The following HS3ST3A1 variants were observed in gnomAD, a reference collection of about 807,000 sequenced individuals.
HS3ST3A1 encodes heparan sulfate-glucosamine 3-sulfotransferase 3A1, also known as heparan sulfate glucosamine 3-O-sulfotransferase 3A1.
A neutral mutation model predicts 25.7 loss-of-function variants in HS3ST3A1; 19 were observed. The observed-to-expected ratio is 0.74, with a 90% CI of 0.52 to 1.08. HS3ST3A1 has a LOEUF of 1.08. Ranked by LOEUF, HS3ST3A1 falls within the 50% of genes least tolerant of loss-of-function variation. The probability of loss-of-function intolerance (pLI) is 0.00; values close to 1 mark genes in which losing one functional copy is unlikely to be tolerated. For synonymous variants in HS3ST3A1, 226 were observed against 278.6 expected (o/e 0.81, Z 1.88); for missense variants, 459 against 594.3 (o/e 0.77, Z 2.37).
At chr17:13,561,312 C>T (rs1907541531) in intron 1 of HS3ST3A1, among the ~76,000 whole-genome samples, 1 of 152,078 alleles carries the variant, frequency 6.6e-6, no homozygotes, top group Non-Finnish European at 1.5e-5. Flanking sequence ...AGTGACACTG[C>T]ACTGCATTTT....
At chr17:13,596,860 A>G (rs1908591848) in intron 1 of HS3ST3A1, among the ~76,000 whole-genome samples, 1 of 151,918 alleles carries the variant, frequency 6.6e-6, no homozygotes, top group Non-Finnish European at 1.5e-5. Flanking sequence ...CGAAATGCCA[A>G]TTTCTCCTCC....
intron 1 of HS3ST3A1, among the ~76,000 whole-genome samples, chr17:13,501,569 A>T (rs550849506): frequency 2.0e-5 from 3 of 152,336 alleles, no homozygotes; most frequent in African/African-American, 7.2e-5. Flanking sequence ...CAAATATAAA[A>T]ACGAGGTTTG....
chr17:13,503,922 C>T (rs1401297405), intron 1 of HS3ST3A1, among the ~76,000 whole-genome samples: 1 of 152,172 alleles, frequency 6.6e-6, no homozygotes, highest in African/African-American at 2.4e-5. Flanking sequence ...ACAGACAATC[C>T]TAATAGTCCC....
At chr17:13,591,546 G>T (rs547149560) in intron 1 of HS3ST3A1, among the ~76,000 whole-genome samples, 1 of 151,998 alleles carries the variant, frequency 6.6e-6, no homozygotes, top group Non-Finnish European at 1.5e-5. Flanking sequence ...AAATGAAGGC[G>T]GTTTTAGTTA....
chr17:13,537,173 C>A (rs538912632), intron 1 of HS3ST3A1, among the ~76,000 whole-genome samples: 1 of 152,180 alleles, frequency 6.6e-6, no homozygotes, highest in Non-Finnish European at 1.5e-5. Flanking sequence ...ATAGCCTGAG[C>A]TCTGCTAGGT....
intron 1 of HS3ST3A1, among the ~76,000 whole-genome samples, chr17:13,506,225 G>T (rs929133403): frequency 6.6e-6 from 1 of 152,030 alleles, no homozygotes; most frequent in Non-Finnish European, 1.5e-5. Context: ...TCAAAAGCAG[G>T]AATAGGAATA....
intron 1 of HS3ST3A1, among the ~76,000 whole-genome samples, chr17:13,566,348 A>G (rs1907674792): frequency 6.6e-6 from 1 of 152,160 alleles, no homozygotes. Context: ...ATGTGTGTGT[A>G]CTGACTGCTC....
At chr17:13,598,785 C>G (rs983610207) in intron 1 of HS3ST3A1, among the ~76,000 whole-genome samples, 4 of 152,040 alleles carry the variant, frequency 2.6e-5, no homozygotes, top group African/African-American at 9.7e-5. Context: ...TCTGCAGATA[C>G]ACCGTGCCCT....
At chr17:13,514,539 G>A (rs1905990108) in intron 1 of HS3ST3A1, among the ~76,000 whole-genome samples, 1 of 152,194 alleles carries the variant, frequency 6.6e-6, no homozygotes, top group Non-Finnish European at 1.5e-5. Flanking sequence ...TGTGTTTGGA[G>A]TTTTGATACT....
At position 13,534,468 on chromosome 17, in the gene HS3ST3A1, T is replaced by G. The variant is rs547859299; in HGVS notation, c.600-37650A>C. Among the ~76,000 whole-genome samples the G allele has an allele frequency of 1.9e-4, 22 of 118,118 alleles. No individual in the cohort carries two copies. In the East Asian group the frequency reaches 2.6e-3, roughly 14 times the overall value. The allele number at this position is 118,118 out of a possible 152,430, so 77.5% of individuals were successfully genotyped here. On this transcript the variant is annotated intron_variant, in intron 1 of 1. Coordinates refer to ENST00000284110, the MANE Select transcript of HS3ST3A1 (RefSeq NM_006042.3). ...CCAGTAATCCCAGCACTTTGGGAGGTGGAGGGAGGTGGATTGCTTGAGCCC... is the reference window on the plus strand; with the variant it reads ...CCAGTAATCCCAGCACTTTGGGAGGGGGAGGGAGGTGGATTGCTTGAGCCC...
intron 1 of HS3ST3A1, among the ~76,000 whole-genome samples, chr17:13,580,689 C>T (rs746218051): frequency 5.9e-5 from 9 of 151,950 alleles, no homozygotes; most frequent in African/African-American, 9.7e-5. Flanking sequence ...GGTCGGAGTT[C>T]GAGATCAGCC....
intron 1 of HS3ST3A1, among the ~76,000 whole-genome samples, chr17:13,565,004 G>A (rs566533272): frequency 1.3e-5 from 2 of 152,180 alleles, no homozygotes; most frequent in South Asian, 4.2e-4. Flanking sequence ...TTACAGACAT[G>A]AGCCATCGTG....
intron 1 of HS3ST3A1, among the ~76,000 whole-genome samples, chr17:13,503,402 T>C (rs1905552416): frequency 6.6e-6 from 1 of 152,162 alleles, no homozygotes; most frequent in South Asian, 2.1e-4. Context: ...ATTTCGTGTA[T>C]ATTTTCAACA....
At chr17:13,582,288 G>T (rs549057218) in intron 1 of HS3ST3A1, among the ~76,000 whole-genome samples, 1 of 152,274 alleles carries the variant, frequency 6.6e-6, no homozygotes, top group African/African-American at 2.4e-5. Context: ...AACTGAGCTA[G>T]CATATTCTAT....
At chr17:13,562,710 G>A (rs1358389792) in intron 1 of HS3ST3A1, among the ~76,000 whole-genome samples, 5 of 152,016 alleles carry the variant, frequency 3.3e-5, no homozygotes, top group African/African-American at 4.8e-5. Flanking sequence ...TGGAAATCAC[G>A]GGCAAACGTT....
chr17:13,504,510 C>T (rs921021324), intron 1 of HS3ST3A1, among the ~76,000 whole-genome samples: 10 of 152,236 alleles, frequency 6.6e-5, no homozygotes, highest in African/African-American at 2.4e-4. Context: ...ATGAGAGGGG[C>T]TTCCAGGCTG....
chr17:13,562,292 C>T (rs890225943), intron 1 of HS3ST3A1, among the ~76,000 whole-genome samples: 46 of 152,204 alleles, frequency 3.0e-4, no homozygotes, highest in African/African-American at 1.1e-3. Flanking sequence ...CTGGAGGAGT[C>T]CAGGATCGCT....
At chr17:13,599,342 C>A (rs1373493463) in intron 1 of HS3ST3A1, among the ~76,000 whole-genome samples, 1 of 152,106 alleles carries the variant, frequency 6.6e-6, no homozygotes, top group Non-Finnish European at 1.5e-5. Context: ...ACTGTAAATT[C>A]GGCTCCTGAA....
intron 1 of HS3ST3A1, among the ~76,000 whole-genome samples, chr17:13,596,395 A>G (rs1189307348): frequency 1.5e-5 from 2 of 137,432 alleles, no homozygotes; most frequent in Non-Finnish European, 3.1e-5. Context: ...CTGCTCCCGC[A>G]TGTGTGAGGG....
Sources: allele counts gnomAD v4.1 joint callset (sites outside exome capture counted in the v4.1 genomes callset), GRCh38; gene constraint gnomAD v4.1.1; transcripts MANE v1.5; gene names NCBI Gene and HGNC (gene_info 2026-07-23, HGNC 2026-07-21).